UBE2E2: variants seen among roughly 807,000 people sequenced by gnomAD.
UBE2E2 encodes ubiquitin-conjugating enzyme E2 E2.
In UBE2E2, 6 loss-of-function variants were observed where a neutral mutation model predicts 24.7. That is an observed-to-expected ratio of 0.24 (90% CI 0.13 to 0.48). The LOEUF (loss-of-function observed/expected upper bound fraction) is 0.48, where lower values mean the gene tolerates loss of function less well. Ranked by LOEUF, UBE2E2 falls within the 20% of genes least tolerant of loss-of-function variation. The probability of loss-of-function intolerance (pLI) is 0.99; values close to 1 mark genes in which losing one functional copy is unlikely to be tolerated. For synonymous variants in UBE2E2, 104 were observed against 83.6 expected, an observed-to-expected ratio of 1.24 and a Z score of -1.33; for missense variants, 169 against 245.0, an observed-to-expected ratio of 0.69 and a Z score of 2.07.
chr3:23,556,163 T>TTTTTA (rs1695777059), intron 5 of UBE2E2, among the ~76,000 whole-genome samples: 1 of 115,336 alleles, frequency 8.7e-6, no homozygotes, highest in African/African-American at 3.6e-5. Context: ...TTTTTTTTTT[T>TTTTTA]GAGATGGAGT....
At chr3:23,262,346 T>C (rs1441915275) in intron 3 of UBE2E2, among the ~76,000 whole-genome samples, 2 of 152,202 alleles carry the variant, frequency 1.3e-5, no homozygotes, top group Admixed American at 6.5e-5. Flanking sequence ...AGTGGCGCGA[T>C]CATAGCCCAT....
At chr3:23,484,032 A>G (rs1699310665) in intron 3 of UBE2E2, among the ~76,000 whole-genome samples, 1 of 152,148 alleles carries the variant, frequency 6.6e-6, no homozygotes, top group African/African-American at 2.4e-5. Context: ...ACAAATTTGA[A>G]TATCACGGTT....
intron 3 of UBE2E2, among the ~76,000 whole-genome samples, chr3:23,459,657 C>G (rs887578260): frequency 7.2e-5 from 11 of 152,158 alleles, no homozygotes; most frequent in Non-Finnish European, 1.5e-5. Context: ...TTCTGCCATA[C>G]AAACTCAGCA....
chr3:23,280,746 A>G lies in UBE2E2; in HGVS notation c.227+63434A>G, dbSNP rs746605064. On this transcript the variant is annotated intron_variant, in intron 3 of 5. Transcript: ENST00000396703. The surrounding 1 kb of genome is among the most constrained non-coding windows in gnomAD (Gnocchi z 4.3). ...GAATGAGTACTGGAGACTAGCCTCTATGTTTCTTACTCACTTCTGTTTTTA... is the reference window on the plus strand; with the variant it reads ...GAATGAGTACTGGAGACTAGCCTCTGTGTTTCTTACTCACTTCTGTTTTTA... Among the ~76,000 whole-genome samples, 2 of 152,148 alleles carry G rather than the reference A, an allele frequency of 1.3e-5. No homozygotes were observed. The highest frequency in any genetic ancestry group is 1.3e-4 in the Admixed American group (2 of 15,268).
chr3:23,407,567 G>A lies in UBE2E2; in HGVS notation c.228-92041G>A, dbSNP rs1217510624. 2.6e-5 allele frequency among the ~76,000 whole-genome samples: 4 copies of A among 151,134 alleles called. No homozygotes were observed. The highest frequency in any genetic ancestry group is 1.9e-4 in the East Asian group (1 of 5,152). ...TTGCTACATCCTTTATCTCCTCTGC[G>A]CCCCTCCCTCTACTTTTTATGGTTT... On this transcript the variant is annotated intron_variant, in intron 3 of 5. Coordinates refer to ENST00000396703, the MANE Select transcript of UBE2E2 (RefSeq NM_152653.4). This position sits in a 1 kb window ranked among gnomAD's most constrained non-coding sequence, Gnocchi z 4.0.
chr3:23,470,671 C>T, intron 3 of UBE2E2, among the ~76,000 whole-genome samples: 1 of 152,130 alleles, frequency 6.6e-6, no homozygotes, highest in East Asian at 1.9e-4. Context: ...TTTGATGCCA[C>T]AGTTGATCTT....
At chr3:23,285,364 A>G (rs190675935) in intron 3 of UBE2E2, among the ~76,000 whole-genome samples, 3 of 152,322 alleles carry the variant, frequency 2.0e-5, no homozygotes, top group African/African-American at 7.2e-5. Flanking sequence ...TCTTTGATAA[A>G]TTGATTCCTT....
intron 3 of UBE2E2, among the ~76,000 whole-genome samples, chr3:23,275,511 A>G (rs1323416537): frequency 6.6e-6 from 1 of 152,200 alleles, no homozygotes; most frequent in Non-Finnish European, 1.5e-5. Context: ...GAGCAATGGG[A>G]AGCCTTTGAA....
intron 3 of UBE2E2, among the ~76,000 whole-genome samples, chr3:23,348,154 G>T (rs1414504155): frequency 6.6e-6 from 1 of 152,058 alleles, no homozygotes; most frequent in African/African-American, 2.4e-5. Flanking sequence ...ACTTAAGGAG[G>T]TCACTATATC....
At chr3:23,382,452 G>T (rs898611595) in intron 3 of UBE2E2, among the ~76,000 whole-genome samples, 2 of 152,124 alleles carry the variant, frequency 1.3e-5, no homozygotes, top group Non-Finnish European at 2.9e-5. Flanking sequence ...AAAGTGCTAG[G>T]ATTATGGGGA....
intron 3 of UBE2E2, among the ~76,000 whole-genome samples, chr3:23,419,773 A>G (rs1230282360): frequency 2.0e-5 from 3 of 152,164 alleles, no homozygotes; most frequent in Non-Finnish European, 4.4e-5. Flanking sequence ...AAATGAATGA[A>G]TGAGTCTTTG....
intron 3 of UBE2E2, among the ~76,000 whole-genome samples, chr3:23,395,051 G>T (rs912726827): frequency 6.6e-6 from 1 of 152,188 alleles, no homozygotes; most frequent in Non-Finnish European, 1.5e-5. Context: ...TCTACTTCTT[G>T]TGTCATGGAG....
intron 3 of UBE2E2, among the ~76,000 whole-genome samples, chr3:23,363,916 T>TAA (rs757111049): frequency 5.1e-5 from 7 of 136,022 alleles, no homozygotes; most frequent in South Asian, 4.7e-4. Flanking sequence ...CTCAGCAACT[T>TAA]AAAAAAAAAA....
intron 3 of UBE2E2, among the ~76,000 whole-genome samples, chr3:23,233,912 C>A (rs111695102): frequency 6.6e-6 from 1 of 152,066 alleles, no homozygotes; most frequent in Non-Finnish European, 1.5e-5. Context: ...ATACTAAATT[C>A]AGGGTTTAAA....
At chr3:23,404,125 T>G (rs541224011) in intron 3 of UBE2E2, among the ~76,000 whole-genome samples, 1 of 152,204 alleles carries the variant, frequency 6.6e-6, no homozygotes, top group East Asian at 1.9e-4. Context: ...AAGAGAAGGG[T>G]TTTGGATTAC....
chr3:23,225,242 A>T (rs1696786484), intron 3 of UBE2E2, among the ~76,000 whole-genome samples: 1 of 147,852 alleles, frequency 6.8e-6, no homozygotes, highest in Non-Finnish European at 1.5e-5. Flanking sequence ...CATTCTGTGG[A>T]TTTTTTTTTT....
At chr3:23,299,254 T>C (rs1192009423) in intron 3 of UBE2E2, among the ~76,000 whole-genome samples, 1 of 152,198 alleles carries the variant, frequency 6.6e-6, no homozygotes, top group Non-Finnish European at 1.5e-5. Context: ...TCATTAATCT[T>C]TTGAAGGTTT....
intron 5 of UBE2E2, among the ~76,000 whole-genome samples, chr3:23,553,217 C>T (rs1436646438): frequency 2.0e-5 from 3 of 151,988 alleles, no homozygotes; most frequent in African/African-American, 4.8e-5. Flanking sequence ...CTATATTTCC[C>T]TTTTATAGTA....
intron 5 of UBE2E2, among the ~76,000 whole-genome samples, chr3:23,539,350 TC>T (rs1695336048): frequency 6.6e-6 from 1 of 152,214 alleles, no homozygotes. Flanking sequence ...TAAATATACG[TC>T]CTTTGATAGG....
Sources: gnomAD v4.1 joint callset for allele counts (sites outside exome capture counted in the v4.1 genomes callset) on GRCh38, gnomAD v4.1.1 for gene constraint, Gnocchi (gnomAD v3.1) non-coding constraint, MANE v1.5 for transcripts, NCBI Gene and HGNC (gene_info 2026-07-23, HGNC 2026-07-21) for gene names.